Variants in NRXN3 observed in about 807,000 individuals in gnomAD.
The protein encoded by NRXN3 is neurexin 3.
Under a neutral mutation model 137.6 loss-of-function variants are expected in NRXN3, and 32 were observed. The ratio of observed to expected loss-of-function variants is 0.23; its 90% CI spans 0.18 to 0.31. The LOEUF (loss-of-function observed/expected upper bound fraction) is 0.31. NRXN3 is among the 10% of genes least tolerant of loss of function. The pLI is 1.00. For missense variants in NRXN3, 1,574 were observed against 2,062.5 expected, an observed-to-expected ratio of 0.76 and a Z score of 4.59; for synonymous variants, 798 against 784.5, an observed-to-expected ratio of 1.02 and a Z score of -0.29.
rs368161099 is a variant in NRXN3 at position 78,715,905 on chromosome 14, A to G, written c.2044+766A>G. Among the ~76,000 whole-genome samples the G allele has an allele frequency of 3.9e-5, 6 of 152,222 alleles. No individual in the cohort carries two copies. The East Asian group carries it at 1.2e-3, about 29-fold the overall frequency. ...AAGAGAAGGTATAGAGAAGCTTGGG[A>G]GGCCCTTGGAAGGAGACCTAACATA... On this transcript the variant is annotated intron_variant, in intron 8 of 20. Transcript: ENST00000335750.
chr14:78,943,615 AAAAAAAATATATATATAT>A (rs2099357814), intron 10 of NRXN3, among the ~76,000 whole-genome samples: 3 of 42,498 alleles, frequency 7.1e-5, no homozygotes, highest in Non-Finnish European at 9.2e-5. Context: ...ACTGTTAAAA[AAAAAAAATATATATATAT>A]ATATATATAT....
intron 16 of NRXN3, among the ~76,000 whole-genome samples, chr14:79,551,892 C>A (rs1208729622): frequency 6.6e-6 from 1 of 152,166 alleles, no homozygotes; most frequent in Non-Finnish European, 1.5e-5. Flanking sequence ...GCTACAGTAC[C>A]AAGAGACATG....
intron 10 of NRXN3, among the ~76,000 whole-genome samples, chr14:78,900,410 G>A (rs1435418236): frequency 1.3e-5 from 2 of 149,308 alleles, no homozygotes; most frequent in Non-Finnish European, 3.0e-5. Context: ...GGTTGGTCTT[G>A]TTTTGAAGGC....
At chr14:79,514,126 G>C (rs1032789146) in intron 16 of NRXN3, among the ~76,000 whole-genome samples, 1 of 151,968 alleles carries the variant, frequency 6.6e-6, no homozygotes, top group Non-Finnish European at 1.5e-5. Context: ...AACATATATA[G>C]ATATGTAGAG....
intron 16 of NRXN3, among the ~76,000 whole-genome samples, chr14:79,600,253 T>C (rs2097908523): frequency 6.6e-6 from 1 of 152,192 alleles, no homozygotes; most frequent in South Asian, 2.1e-4. Context: ...TTCCTGTTTT[T>C]GTGAGCCTTA....
intron 6 of NRXN3, among the ~76,000 whole-genome samples, chr14:78,704,316 A>C (rs766504317): frequency 8.5e-5 from 13 of 152,212 alleles, no homozygotes; most frequent in Non-Finnish European, 1.9e-4. Context: ...TGGGATCACC[A>C]AGTACCAGAG....
chr14:79,222,318 G>A (rs931010114), intron 15 of NRXN3, among the ~76,000 whole-genome samples: 3 of 152,078 alleles, frequency 2.0e-5, no homozygotes, highest in African/African-American at 2.4e-5. Flanking sequence ...GATGGGGATA[G>A]CATTGAATCT....
intron 19 of NRXN3, among the ~76,000 whole-genome samples, chr14:79,769,114 G>A (rs2139693466): frequency 6.6e-6 from 1 of 151,556 alleles, no homozygotes; most frequent in East Asian, 1.9e-4. Context: ...CAAGAAATAT[G>A]GGACTATGTG....
At chr14:79,819,093 G>A (rs2099262394) in intron 20 of NRXN3, among the ~76,000 whole-genome samples, 1 of 152,150 alleles carries the variant, frequency 6.6e-6, no homozygotes, top group Non-Finnish European at 1.5e-5. Context: ...GTTAAAATTT[G>A]TCAGATTAAT....
chr14:79,574,825 T>G (rs1365147046), intron 16 of NRXN3, among the ~76,000 whole-genome samples: 1 of 150,858 alleles, frequency 6.6e-6, no homozygotes, highest in Non-Finnish European at 1.5e-5. Flanking sequence ...GGGTTATTAT[T>G]CTTAATTTGC....
intron 15 of NRXN3, among the ~76,000 whole-genome samples, chr14:79,364,119 T>G (rs1194974832): frequency 1.2e-4 from 18 of 152,248 alleles, no homozygotes; most frequent in Admixed American, 1.2e-3. Context: ...TCTTTTAATT[T>G]TCCTTCAACA....
intron 17 of NRXN3, among the ~76,000 whole-genome samples, chr14:79,675,192 A>G (rs563455255): frequency 1.4e-4 from 22 of 152,158 alleles, no homozygotes; most frequent in Middle Eastern, 6.8e-3. Context: ...GGGATCACCA[A>G]ACCTTTTCCC....
chr14:79,053,996 T>A (rs1424382538), intron 15 of NRXN3, among the ~76,000 whole-genome samples: 3 of 151,734 alleles, frequency 2.0e-5, no homozygotes, highest in Non-Finnish European at 4.4e-5. Context: ...ATTGATGAGT[T>A]CATGTCCTTT....
At chr14:79,559,447 T>G (rs980056550) in intron 16 of NRXN3, among the ~76,000 whole-genome samples, 15 of 152,032 alleles carry the variant, frequency 9.9e-5, no homozygotes, top group African/African-American at 3.6e-4. Flanking sequence ...GATTAGCGAG[T>G]GGCTGGTCAG....
At chr14:79,763,665 T>A (rs2099046537) in intron 19 of NRXN3, among the ~76,000 whole-genome samples, 4 of 151,406 alleles carry the variant, frequency 2.6e-5, no homozygotes, top group Admixed American at 2.6e-4. Flanking sequence ...AGCTTCTTCC[T>A]GGTTCATAGA....
chr14:79,234,852 T>C (rs1023798025), intron 15 of NRXN3, among the ~76,000 whole-genome samples: 2 of 152,080 alleles, frequency 1.3e-5, no homozygotes, highest in Admixed American at 6.6e-5. Flanking sequence ...ATCCAGCTCC[T>C]GGGAACACAA....
At chr14:79,630,016 G>A (rs1286162122) in intron 16 of NRXN3, among the ~76,000 whole-genome samples, 4 of 152,142 alleles carry the variant, frequency 2.6e-5, no homozygotes, top group Non-Finnish European at 5.9e-5. Context: ...AACACACCAT[G>A]TGGTTTACCT....
chr14:78,487,786 A>G (rs1320923844), intron 4 of NRXN3, among the ~76,000 whole-genome samples: 1,569 of 130,002 alleles, frequency 0.012, 15 homozygotes, highest in East Asian at 0.018. Context: ...TAAATAAATA[A>G]ATAAAGATAG....
chr14:79,700,572 A>G (rs1448822850), intron 19 of NRXN3, among the ~76,000 whole-genome samples: 1 of 152,086 alleles, frequency 6.6e-6, no homozygotes, highest in Non-Finnish European at 1.5e-5. Context: ...GTTCTTTCTT[A>G]AAGCATAAGC....
Sources: allele counts gnomAD v4.1 joint callset (sites outside exome capture counted in the v4.1 genomes callset), GRCh38; gene constraint gnomAD v4.1.1; transcripts MANE v1.5; gene names NCBI Gene and HGNC (gene_info 2026-07-23, HGNC 2026-07-21).